The following CD164 variants were observed in gnomAD, a reference collection of about 807,000 sequenced individuals.
CD164 encodes CD164 molecule, also known as sialomucin core protein 24.
CD164 carries 11 observed loss-of-function variants against 24.6 expected under a neutral mutation model. The observed-to-expected ratio is 0.45, with a 90% confidence interval of 0.28 to 0.74. The LOEUF is 0.74. Ranked by LOEUF, CD164 falls within the 30% of genes least tolerant of loss-of-function variation. CD164 has a pLI of 0.13. For synonymous variants in CD164, 126 were observed against 100.3 expected (o/e 1.26, Z -1.53); for missense variants, 295 against 243.7 (o/e 1.21, Z -1.40).
At position 109,382,397 on chromosome 6, in the gene CD164, G is replaced by C; in HGVS notation, c.-19C>G. ...GCGACATCGTGTCCTCAGCGCTGGC[G>C]TTCGGGAGAAAGCTAAGGCTCGCAA... On this transcript the variant is annotated 5_prime_UTR_variant, in exon 1 of 6. Transcript: ENST00000310786. 2.7e-6 allele frequency: 4 copies of C among 1,507,688 alleles called. No homozygotes were observed. Among genetic ancestry groups the C allele is most frequent in the Non-Finnish European group, 3.5e-6 (4 of 1,129,330 alleles). The allele number at this position is 1,507,688 out of a possible 1,614,324, so 93.4% of individuals were successfully genotyped here.
chr6:109,366,816 G>C lies in CD164; in HGVS notation c.*2035C>G, dbSNP rs535086421. 4 of 152,658 alleles carry C rather than the reference G, an allele frequency of 2.6e-5. No individual in the cohort carries two copies. Among genetic ancestry groups the C allele is most frequent in the East Asian group, 1.9e-4 (1 of 5,184 alleles). The allele number at this position is 152,658 out of a possible 1,614,324, so 9.5% of individuals were successfully genotyped here. On this transcript the variant is annotated 3_prime_UTR_variant, in exon 6 of 6. Coordinates refer to ENST00000310786, the MANE Select transcript of CD164 (RefSeq NM_006016.6). ...AAGTAAAAAGGCTGTGAGTTCTGTT[G>C]CAAGAGCTCATTTGTAGACTTGCAA...
intron 4 of CD164, among the ~76,000 whole-genome samples, chr6:109,373,609 A>T (rs1429108733): frequency 4.6e-5 from 7 of 152,220 alleles, no homozygotes; most frequent in Non-Finnish European, 5.9e-5. Flanking sequence ...CCCAGTTCTC[A>T]AGAAATGAAC....
At position 109,368,259 on chromosome 6, in the gene CD164, T is replaced by C. The variant is rs1770878057; in HGVS notation, c.*592A>G. ...TACAAGTATGAACAATAATCTGTTATACACACTAATGGTATCCTTTCATTT... is the reference window on the plus strand; with the variant it reads ...TACAAGTATGAACAATAATCTGTTACACACACTAATGGTATCCTTTCATTT... On this transcript the variant is annotated 3_prime_UTR_variant, in exon 6 of 6. Coordinates refer to ENST00000310786, the MANE Select transcript of CD164 (RefSeq NM_006016.6). 6.5e-7 allele frequency: 1 copy of C among 1,535,280 alleles called. No individual in the cohort carries two copies. The highest frequency in any genetic ancestry group is 8.8e-7 in the Non-Finnish European group (1 of 1,137,996).
chr6:109,371,135 C>G (rs562278720), intron 4 of CD164: 1 of 152,428 alleles, frequency 6.6e-6, no homozygotes, highest in Non-Finnish European at 1.5e-5. Flanking sequence ...GTTGCCATTA[C>G]TAAAGGCAAG....
In CD164 at chr6:109,378,072, T is replaced by C. The variant is rs115860166; in HGVS notation, c.260-101A>G. On this transcript the variant is annotated intron_variant, in intron 2 of 5. Transcript: ENST00000310786. ...TCTATGAAATCAAACCCAAACACTTTAGAAGTGGGCAGGGGGAACCACTTT... is the reference window on the plus strand; with the variant it reads ...TCTATGAAATCAAACCCAAACACTTCAGAAGTGGGCAGGGGGAACCACTTT... The C allele has an allele frequency of 8.4e-5, 82 of 980,438 alleles. 1 individual carries two copies. In the African/African-American group the frequency reaches 1.2e-3, roughly 15 times the overall value. 60.7% of individuals were successfully genotyped at this position (980,438 alleles called of 1,614,324 possible).
chr6:109,375,493 T>C (rs1260097485), intron 4 of CD164, among the ~76,000 whole-genome samples: 1 of 151,782 alleles, frequency 6.6e-6, no homozygotes, highest in Admixed American at 6.6e-5. Flanking sequence ...GGCAGGTGCC[T>C]GTAATCCCAG....
In CD164 at chr6:109,368,877, T is replaced by C; in HGVS notation, c.568A>G (p.Lys190Glu). 6.2e-7 allele frequency: 1 copy of C among 1,613,210 alleles called. No homozygotes were observed. The highest frequency in any genetic ancestry group is 1.1e-5 in the South Asian group (1 of 90,982). ...IFFLYKFCKSKERNYHTL is the reference protein window; with the variant it reads ...IFFLYKFCKSEERNYHTL ...TACAGAGTGTGGTAATTTCGTTCTT[T>C]AGATTTGCAGAATTTATAAAGAAAG... is the stretch of plus-strand genomic sequence containing the variant. Residue 190 changes from lysine (K) to glutamate (E), a missense_variant, in exon 6 of 6, where the codon AAA (lysine) becomes GAA (glutamate). Coordinates refer to ENST00000310786, the MANE Select transcript of CD164 (RefSeq NM_006016.6).
chr6:109,368,875 T>C lies in CD164; in HGVS notation c.570A>G (p.Lys190=), dbSNP rs1473611336. The change falls in exon 6 of 6, where the codon AAA becomes AAG. Residue 190 remains lysine (K), a synonymous_variant. Coordinates refer to ENST00000310786, the MANE Select transcript of CD164 (RefSeq NM_006016.6). ...TTTACAGAGTGTGGTAATTTCGTTC[T>C]TTAGATTTGCAGAATTTATAAAGAA... The part of the protein sequence containing the change: ...IFFLYKFCKS[K]ERNYHTL 1 of 1,613,186 alleles carries C rather than the reference T, an allele frequency of 6.2e-7. No homozygotes were observed. The highest frequency in any genetic ancestry group is 8.5e-7 in the Non-Finnish European group (1 of 1,179,666).
chr6:109,374,782 G>A (rs3778474), intron 4 of CD164, among the ~76,000 whole-genome samples: 57,323 of 151,820 alleles, frequency 0.38, 11,217 homozygotes, highest in South Asian at 0.51. Flanking sequence ...CATCTCCTCC[G>A]CATGTGCTGA....
intron 5 of CD164, among the ~76,000 whole-genome samples, 162 bp from the exon 6 acceptor site, chr6:109,369,179 T>C (rs139499802): frequency 6.6e-6 from 1 of 152,348 alleles, no homozygotes; most frequent in African/African-American, 2.4e-5. Context: ...AAGACAACCA[T>C]ATCCCATTTT....
At chr6:109,376,210 T>A in intron 3 of CD164, 98 bp from the exon 4 acceptor site, 1 of 740,054 alleles carries the variant, frequency 1.4e-6, no homozygotes, top group Non-Finnish European at 2.0e-6. Context: ...ATTTGAGTAC[T>A]TTTCACAATT....
chr6:109,368,663 C>T lies in CD164; in HGVS notation c.*188G>A. Reference sequence around the variant, plus strand: ...TTCATGCAGAATATTTTAAATATTCCTGTTGAACACAATGATTTAATTGAT... The same window carrying T: ...TTCATGCAGAATATTTTAAATATTCTTGTTGAACACAATGATTTAATTGAT... On this transcript the variant is annotated 3_prime_UTR_variant, in exon 6 of 6. Transcript: ENST00000310786. 7.3e-7 allele frequency: 1 copy of T among 1,376,278 alleles called. No individual in the cohort carries two copies. Among genetic ancestry groups the T allele is most frequent in the African/African-American group, 1.5e-5 (1 of 67,436 alleles). 85.3% of individuals were successfully genotyped at this position (1,376,278 alleles called of 1,614,324 possible).
At chr6:109,377,814 CAAAG>C in intron 3 of CD164, 82 bp downstream of exon 3, 1 of 910,158 alleles carries the variant, frequency 1.1e-6, no homozygotes, top group Non-Finnish European at 1.8e-6. Context: ...ATGCTTCAAA[CAAAG>C]CACTGAAACA....
intron 2 of CD164, among the ~76,000 whole-genome samples, chr6:109,379,236 G>A (rs927110409): frequency 2.0e-5 from 3 of 152,154 alleles, no homozygotes; most frequent in African/African-American, 7.2e-5. Flanking sequence ...GCCAGGTGAG[G>A]AAGCACGCAT....
chr6:109,382,313 G>T lies in CD164; in HGVS notation c.66C>A (p.Ser22=), dbSNP rs1000625903. ...ATCLGVLCVL[S]ADKNTTQHPN... ...GGTGCTGGGTCGTGTTCTTGTCCGCGGACAGCACGCAGAGCACGCCCAGGC... is the reference window on the plus strand; with the variant it reads ...GGTGCTGGGTCGTGTTCTTGTCCGCTGACAGCACGCAGAGCACGCCCAGGC... The change falls in exon 1 of 6, where the codon TCC becomes TCA. Residue 22 remains serine, a synonymous_variant. Transcript: ENST00000310786. 1.3e-6 allele frequency: 2 copies of T among 1,578,772 alleles called. No individual in the cohort carries two copies. The highest frequency in any genetic ancestry group is 2.7e-5 in the African/African-American group (2 of 74,290).
At chr6:109,378,012 A>G (rs1582486404) in intron 2 of CD164, 41 bp from the exon 3 acceptor site, 1 of 1,496,124 alleles carries the variant, frequency 6.7e-7, no homozygotes, top group Non-Finnish European at 9.3e-7. Flanking sequence ...AGCATCAACC[A>G]CCCATTTGTA....
intron 4 of CD164, among the ~76,000 whole-genome samples, chr6:109,375,427 G>A (rs1771337407): frequency 6.6e-6 from 1 of 151,848 alleles, no homozygotes; most frequent in African/African-American, 2.4e-5. Flanking sequence ...GACCAGCCTG[G>A]CCAATGTGGT....
At chr6:109,378,064 A>G (rs1470386606) in intron 2 of CD164, 93 bp from the exon 3 acceptor site, 10 of 1,104,242 alleles carry the variant, frequency 9.1e-6, no homozygotes, top group Non-Finnish European at 1.4e-5. Flanking sequence ...AATCAAACCC[A>G]AACACTTTAG....
At position 109,368,073 on chromosome 6, in the gene CD164, T is replaced by G; in HGVS notation, c.*778A>C. 2.5e-6 allele frequency: 1 copy of G among 395,230 alleles called. No homozygotes were observed. The highest frequency in any genetic ancestry group is 4.5e-6 in the Non-Finnish European group (1 of 221,770). 24.5% of individuals were successfully genotyped at this position (395,230 alleles called of 1,614,324 possible). ...TTTCAATAAAATATTAACAGTATGA[T>G]ATCTAAAACAGGTTTACTACTGCTC... On this transcript the variant is annotated 3_prime_UTR_variant, in exon 6 of 6. Coordinates refer to ENST00000310786, the MANE Select transcript of CD164 (RefSeq NM_006016.6).
Sources: gnomAD v4.1 joint callset for allele counts (sites outside exome capture counted in the v4.1 genomes callset) on GRCh38, gnomAD v4.1.1 for gene constraint, MANE v1.5 for transcripts, NCBI Gene and HGNC (gene_info 2026-07-23, HGNC 2026-07-21) for gene names.